Variants in CFH observed in about 807,000 individuals in gnomAD.
CFH encodes complement factor H.
In CFH, 53 loss-of-function variants were observed where a neutral mutation model predicts 147.3. The observed-to-expected ratio is 0.36, with a 90% confidence interval of 0.29 to 0.45. The LOEUF is 0.45. CFH is among the 20% of genes least tolerant of loss of function. The pLI, the probability that CFH is intolerant of heterozygous loss-of-function variation, is 1.00. For missense variants in CFH, 1,380 were observed against 1,498.0 expected (o/e 0.92, Z 1.30); for synonymous variants, 536 against 489.4 (o/e 1.10, Z -1.26).
chr1:196,659,371 C>A (rs1405330131), intron 1 of CFH, among the ~76,000 whole-genome samples: 1 of 152,174 alleles, frequency 6.6e-6, no homozygotes, highest in Non-Finnish European at 1.5e-5. Context: ...GGACAGCAAG[C>A]CCCCAAATTG....
At chr1:196,707,003 C>G (rs117153350) in intron 9 of CFH, among the ~76,000 whole-genome samples, 1 of 152,136 alleles carries the variant, frequency 6.6e-6, no homozygotes, top group Non-Finnish European at 1.5e-5. Context: ...GAAGATTACC[C>G]TCAGGTTTAG....
intron 19 of CFH, 28 bp downstream of exon 19, chr1:196,742,079 T>TTATA: frequency 6.2e-7 from 1 of 1,610,472 alleles, no homozygotes; most frequent in Non-Finnish European, 8.5e-7. Context: ...CAAAATTTAT[T>TTATA]TATATAATGT....
At chr1:196,700,148 C>T (rs947887277) in intron 9 of CFH, among the ~76,000 whole-genome samples, 2 of 152,110 alleles carry the variant, frequency 1.3e-5, no homozygotes, top group African/African-American at 4.8e-5. Context: ...CCCCCTTACC[C>T]GAATCAATTG....
intron 9 of CFH, among the ~76,000 whole-genome samples, chr1:196,708,272 A>G (rs892291746): frequency 6.6e-6 from 1 of 152,170 alleles, no homozygotes; most frequent in Non-Finnish European, 1.5e-5. Context: ...TCTGTTAGTC[A>G]TACTTGTCAC....
Position 196,741,954 on chromosome 1 carries a change from G to A in CFH, c.3036G>A (p.Glu1012=). 6.2e-7 allele frequency: 1 copy of A among 1,614,054 alleles called. No individual in the cohort carries two copies. Among genetic ancestry groups the A allele is most frequent in the South Asian group, 1.1e-5 (1 of 91,084 alleles). The change falls in exon 19 of 22, where the codon GAG becomes GAA. Residue 1012 remains glutamate, a synonymous_variant. Transcript: ENST00000367429. ...GEKKDVYKAG[E]QVTYTCATYY... ...AGAAGGATGTGTATAAGGCGGGTGAGCAAGTGACTTACACTTGTGCAACAT... is the reference window on the plus strand; with the variant it reads ...AGAAGGATGTGTATAAGGCGGGTGAACAAGTGACTTACACTTGTGCAACAT...
chr1:196,685,996 A>C (rs1231572413), intron 7 of CFH, among the ~76,000 whole-genome samples: 1 of 152,114 alleles, frequency 6.6e-6, no homozygotes, highest in Non-Finnish European at 1.5e-5. Context: ...GAAACTTACA[A>C]TCATGGTGGA....
At chr1:196,736,301 G>T (rs149248235) in intron 15 of CFH, among the ~76,000 whole-genome samples, 4 of 152,108 alleles carry the variant, frequency 2.6e-5, no homozygotes, top group South Asian at 2.1e-4. Flanking sequence ...AATCACTAGT[G>T]ATTATATTTA....
intron 9 of CFH, among the ~76,000 whole-genome samples, chr1:196,695,088 G>A (rs1401866120): frequency 6.6e-6 from 1 of 152,190 alleles, no homozygotes; most frequent in Non-Finnish European, 1.5e-5. Context: ...CCATGCCTAT[G>A]TCCTGAATAA....
chr1:196,656,138 T>C (rs1370419267), intron 1 of CFH, among the ~76,000 whole-genome samples: 2 of 152,018 alleles, frequency 1.3e-5, no homozygotes, highest in Admixed American at 6.5e-5. Flanking sequence ...ACCCCATCTC[T>C]ACTAAAAATA....
intron 10 of CFH, among the ~76,000 whole-genome samples, chr1:196,714,708 GAGAGAGAGAGAT>G (rs1558173593): frequency 3.8e-5 from 5 of 132,888 alleles, no homozygotes; most frequent in East Asian, 2.3e-4. Context: ...GAGAGAGAGA[GAGAGAGAGAGAT>G]GGAGTCTTGC....
intron 9 of CFH, 57 bp from the exon 10 acceptor site, chr1:196,713,678 T>G: frequency 1.8e-6 from 2 of 1,113,002 alleles, no homozygotes; most frequent in Non-Finnish European, 2.6e-6. Flanking sequence ...TTACTTAAAT[T>G]CTTATAAAAT....
At chr1:196,700,664 AAAAAG>A (rs1668424617) in intron 9 of CFH, among the ~76,000 whole-genome samples, 1 of 151,830 alleles carries the variant, frequency 6.6e-6, no homozygotes, top group Non-Finnish European at 1.5e-5. Context: ...AAAAAAAAAA[AAAAAG>A]AAAAGAAAAA....
chr1:196,717,033 A>G (rs552371843), intron 11 of CFH, among the ~76,000 whole-genome samples: 100 of 152,228 alleles, frequency 6.6e-4, no homozygotes, highest in Middle Eastern at 6.8e-3. Context: ...CCACATTTAT[A>G]TATAAGACAG....
At chr1:196,689,363 A>T in intron 7 of CFH, 57 bp from the exon 8 acceptor site, 1 of 1,444,140 alleles carries the variant, frequency 6.9e-7, no homozygotes, top group Non-Finnish European at 9.6e-7. Flanking sequence ...TATCTCTAAT[A>T]TGAGTGTTTA....
chr1:196,677,651 G>A lies in CFH; in HGVS notation c.603G>A (p.Glu201=). The change falls in exon 5 of 22, where the codon GAG becomes GAA. Residue 201 remains glutamate, a synonymous_variant. Coordinates refer to ENST00000367429, the MANE Select transcript of CFH (RefSeq NM_000186.4). The part of the protein sequence containing the change: ...HCSDDGFWSK[E]KPKCVEISCK... ...CAGACGATGGTTTTTGGAGTAAAGA[G>A]AAACCAAAGTGTGTGGGTAAGATAC... is the stretch of plus-strand genomic sequence containing the variant. The A allele has an allele frequency of 1.2e-6, 2 of 1,612,930 alleles. No homozygotes were observed. The highest frequency in any genetic ancestry group is 1.7e-6 in the Non-Finnish European group (2 of 1,179,168).
chr1:196,662,662 G>A (rs964425758), intron 1 of CFH, among the ~76,000 whole-genome samples: 5 of 151,980 alleles, frequency 3.3e-5, no homozygotes, highest in Admixed American at 2.6e-4. Context: ...TGAGTGGATT[G>A]CTTGAGCCCA....
intron 1 of CFH, among the ~76,000 whole-genome samples, chr1:196,655,607 G>A (rs1572992331): frequency 1.3e-5 from 2 of 151,932 alleles, no homozygotes; most frequent in Admixed American, 6.6e-5. Context: ...CTTAATCCTC[G>A]ATTGTTTATT....
chr1:196,667,220 C>A lies in CFH; in HGVS notation c.59-5758C>A, dbSNP rs115534434. ...AACTATTTTTTAAAAGGAAAGGGAA[C>A]AACCATGATTTGTAAAATTTGCTGA... is the stretch of plus-strand genomic sequence containing the variant. On this transcript the variant is annotated intron_variant, in intron 1 of 21. Transcript: ENST00000367429. Among the ~76,000 whole-genome samples the A allele has an allele frequency of 7.0e-3, 1,063 of 152,226 alleles. 8 individuals carry two copies. Among genetic ancestry groups the A allele is most frequent in the African/African-American group, 0.023 (965 of 41,538 alleles).
chr1:196,733,688 T>A (rs1461340539), intron 15 of CFH, among the ~76,000 whole-genome samples: 1 of 152,180 alleles, frequency 6.6e-6, no homozygotes, highest in East Asian at 1.9e-4. Flanking sequence ...AGCTTTAGAA[T>A]ACAGTCCCTG....
Sources: allele counts gnomAD v4.1 joint callset (sites outside exome capture counted in the v4.1 genomes callset), GRCh38; gene constraint gnomAD v4.1.1; transcripts MANE v1.5; gene names NCBI Gene and HGNC (gene_info 2026-07-23, HGNC 2026-07-21).